GABRA1: variants seen among roughly 807,000 people sequenced by gnomAD.
The protein encoded by GABRA1 is gamma-aminobutyric acid type A receptor subunit alpha1, also known as gamma-aminobutyric acid receptor subunit alpha-1.
A neutral mutation model predicts 48.9 loss-of-function variants in GABRA1; 9 were observed. The ratio of observed to expected loss-of-function variants is 0.18; its 90% CI spans 0.11 to 0.32. GABRA1 has a LOEUF of 0.32. Among genes scored for constraint, GABRA1 ranks in the 10% least tolerant of loss-of-function variants. The pLI, the probability that GABRA1 is intolerant of heterozygous loss-of-function variation, is 1.00. For missense variants in GABRA1, 285 were observed against 553.8 expected (o/e 0.51, Z 4.87); for synonymous variants, 210 against 198.7 (o/e 1.06, Z -0.48).
At chr5:161,852,691 A>G (rs1036630668) in intron 2 of GABRA1, among the ~76,000 whole-genome samples, 2 of 152,036 alleles carry the variant, frequency 1.3e-5, no homozygotes, top group Non-Finnish European at 2.9e-5. Context: ...GTAAGCCCTC[A>G]ATCTGCATGG....
At chr5:161,879,939 G>A (rs1463844840) in intron 6 of GABRA1, among the ~76,000 whole-genome samples, 1 of 152,162 alleles carries the variant, frequency 6.6e-6, no homozygotes, top group Non-Finnish European at 1.5e-5. Context: ...TTTGCTAACA[G>A]CAGTGCAATA....
intron 3 of GABRA1, among the ~76,000 whole-genome samples, chr5:161,859,160 T>C (rs1757760477): frequency 6.6e-6 from 1 of 151,772 alleles, no homozygotes; most frequent in Admixed American, 6.6e-5. Context: ...CAGCGTCAAT[T>C]AGAAGAGCGT....
chr5:161,893,004 C>CAAAAAAAAAA (rs201136274), intron 8 of GABRA1, among the ~76,000 whole-genome samples: 25 of 33,950 alleles, frequency 7.4e-4, no homozygotes, highest in African/African-American at 3.6e-3. Flanking sequence ...GACTCCTTCT[C>CAAAAAAAAAA]AAAAAAATAA....
intron 4 of GABRA1, among the ~76,000 whole-genome samples, chr5:161,871,520 T>C (rs1754121213): frequency 6.6e-6 from 1 of 152,186 alleles, no homozygotes; most frequent in Non-Finnish European, 1.5e-5. Flanking sequence ...CTGACAGGCA[T>C]TGGCACATTG....
intron 4 of GABRA1, 130 bp downstream of exon 4, chr5:161,865,918 G>C (rs1200503449): frequency 3.1e-6 from 2 of 647,390 alleles, no homozygotes; most frequent in East Asian, 5.7e-5. Flanking sequence ...CTTTCTGTGT[G>C]TAATATGTAA....
At position 161,879,387 on chromosome 5, in the gene GABRA1, C is replaced by T. The variant is rs956170629; in HGVS notation, c.560-3171C>T. On this transcript the variant is annotated intron_variant, in intron 6 of 9. Transcript: ENST00000393943. ...TTGGCCTTAAAAAATCCTGTGACTG[C>T]AGAAATAAGCCACCGTGCCCAGCCA... Among the ~76,000 whole-genome samples the T allele has an allele frequency of 2.0e-5, 3 of 152,310 alleles. No individual in the cohort carries two copies. The South Asian group carries it at 6.2e-4, about 32-fold the overall frequency.
At chr5:161,867,940 G>A (rs1012497828) in intron 4 of GABRA1, among the ~76,000 whole-genome samples, 6 of 151,758 alleles carry the variant, frequency 4.0e-5, no homozygotes, top group Non-Finnish European at 7.4e-5. Context: ...TGCCAAACCT[G>A]TAAAGGCACA....
At chr5:161,888,819 G>A (rs375626184) in intron 7 of GABRA1, among the ~76,000 whole-genome samples, 1 of 151,898 alleles carries the variant, frequency 6.6e-6, no homozygotes, top group Non-Finnish European at 1.5e-5. Flanking sequence ...AAAATAATAA[G>A]AAATTAATCT....
At chr5:161,882,737 G>T (rs1754670964) in intron 7 of GABRA1, 36 bp downstream of exon 7, 1 of 1,583,366 alleles carries the variant, frequency 6.3e-7, no homozygotes, top group African/African-American at 1.3e-5. Context: ...TATGGAGGAA[G>T]AAGAAGAATA....
At chr5:161,852,646 A>G (rs1268328599) in intron 2 of GABRA1, among the ~76,000 whole-genome samples, 2 of 152,080 alleles carry the variant, frequency 1.3e-5, no homozygotes, top group Non-Finnish European at 2.9e-5. Flanking sequence ...TTTGATTTAA[A>G]AAAACAGCAA....
intron 4 of GABRA1, among the ~76,000 whole-genome samples, chr5:161,867,945 G>T (rs906297163): frequency 6.6e-6 from 1 of 151,634 alleles, no homozygotes; most frequent in African/African-American, 2.4e-5. Flanking sequence ...AACCTGTAAA[G>T]GCACATGTGT....
At chr5:161,881,427 A>G (rs1754608766) in intron 6 of GABRA1, among the ~76,000 whole-genome samples, 2 of 152,108 alleles carry the variant, frequency 1.3e-5, no homozygotes, top group South Asian at 4.1e-4. Flanking sequence ...TAAATTATCC[A>G]TCAGAATTAT....
intron 2 of GABRA1, among the ~76,000 whole-genome samples, chr5:161,851,925 T>C (rs1014633737): frequency 1.3e-5 from 2 of 152,160 alleles, no homozygotes; most frequent in African/African-American, 4.8e-5. Flanking sequence ...TGTTTTATTA[T>C]ATAGTGGTTC....
At chr5:161,875,339 G>A (rs896134967) in intron 5 of GABRA1, among the ~76,000 whole-genome samples, 30 of 152,124 alleles carry the variant, frequency 2.0e-4, no homozygotes, top group African/African-American at 7.2e-4. Flanking sequence ...TACAATATCA[G>A]GGGTTGCCTT....
rs556870416 is a variant in GABRA1 at position 161,899,638 on chromosome 5, T to C, written c.*2216T>C. 6.6e-6 allele frequency: 1 copy of C among 152,174 alleles called. No individual in the cohort carries two copies. Among genetic ancestry groups the C allele is most frequent in the East Asian group, 1.9e-4 (1 of 5,194 alleles). 9.4% of individuals were successfully genotyped at this position (152,174 alleles called of 1,614,324 possible). The stretch of plus-strand genomic sequence containing the variant: ...TCTACTGTATAAATGATTGCAAAGT[T>C]TATCAAAAACAAATTATTATATGTA... On this transcript the variant is annotated 3_prime_UTR_variant, in exon 10 of 10. Transcript: ENST00000393943.
intron 4 of GABRA1, 83 bp downstream of exon 4, chr5:161,865,871 G>A (rs537727073): frequency 1.7e-5 from 19 of 1,112,194 alleles, no homozygotes; most frequent in Non-Finnish European, 2.1e-5. Flanking sequence ...TAAGTTCTTA[G>A]GGAGCAACCT....
At chr5:161,895,248 T>C (rs532818160) in intron 8 of GABRA1, among the ~76,000 whole-genome samples, 3 of 152,218 alleles carry the variant, frequency 2.0e-5, no homozygotes, top group South Asian at 4.1e-4. Context: ...ATATTTGGGG[T>C]ACATAGAATA....
At chr5:161,853,967 C>G (rs1447374037) in intron 2 of GABRA1, among the ~76,000 whole-genome samples, 191 bp from the exon 3 acceptor site, 1 of 151,600 alleles carries the variant, frequency 6.6e-6, no homozygotes, top group African/African-American at 2.4e-5. Context: ...CATTTAAAAA[C>G]TGAAAATTAA....
intron 6 of GABRA1, chr5:161,882,131 C>T: frequency 4.3e-6 from 1 of 232,830 alleles, no homozygotes; most frequent in Non-Finnish European, 8.5e-6. Context: ...AGCCCCTTAC[C>T]TTACTTAGGA....
Sources: gnomAD v4.1 joint callset for allele counts (sites outside exome capture counted in the v4.1 genomes callset) on GRCh38, gnomAD v4.1.1 for gene constraint, MANE v1.5 for transcripts, NCBI Gene and HGNC (gene_info 2026-07-23, HGNC 2026-07-21) for gene names.